IRAK1: variants seen among roughly 807,000 people sequenced by gnomAD.
The protein encoded by IRAK1 is interleukin 1 receptor associated kinase 1, also known as interleukin-1 receptor-associated kinase 1.
Under a neutral mutation model 49.8 loss-of-function variants are expected in IRAK1, and 9 were observed. That is an observed-to-expected ratio of 0.18 (90% CI 0.11 to 0.32). The LOEUF (loss-of-function observed/expected upper bound fraction) is 0.32, where lower values mean the gene tolerates loss of function less well. Ranked by LOEUF, IRAK1 falls within the 10% of genes least tolerant of loss-of-function variation. IRAK1 has a pLI of 1.00. For missense variants in IRAK1, 418 were observed against 600.5 expected (o/e 0.70, Z 3.18); for synonymous variants, 282 against 270.8 (o/e 1.04, Z -0.41).
Position 154,016,487 on chromosome X carries a change from T to C in IRAK1, c.1186A>G (p.Ile396Val). The C allele has an allele frequency of 1.2e-5, 15 of 1,211,929 alleles. No homozygotes were observed. Among genetic ancestry groups the C allele is most frequent in the Non-Finnish European group, 1.7e-5 (15 of 895,291 alleles). ...GTLAYLPEEYIKTGRLAVDTD... is the reference protein window; with the variant it reads ...GTLAYLPEEYVKTGRLAVDTD... ...TCCACAGCCAGCCTTCCCGTCTTGA[T>C]GTACTCCTCGGGCAGGTAGGCCAGG... Residue 396 changes from isoleucine to valine, a missense_variant, in exon 9 of 14, where the codon ATC (isoleucine) becomes GTC (valine). By Grantham distance (29) the Ile-to-Val change is conservative. Around this residue, in one of 3 missense-constraint regions of IRAK1, gnomAD observed 377 missense variants for 499.5 expected, o/e 0.75. Coordinates refer to ENST00000369980, the MANE Select transcript of IRAK1 (RefSeq NM_001569.4).
At chrX:154,014,369 GATAAAA>G (rs2148639372) in intron 10 of IRAK1, 91 bp from the exon 11 acceptor site, 7 of 350,839 alleles carry the variant, frequency 2.0e-5, no homozygotes, top group Admixed American at 9.3e-5. Context: ...TATGGGTTTT[GATAAAA>G]AAAAAAAAAA....
Position 154,016,497 on chromosome X carries a change from G to A in IRAK1, c.1176C>T (p.Pro392=), listed in dbSNP as rs1341800653. ...GCCTTCCCGTCTTGATGTACTCCTC[G>A]GGCAGGTAGGCCAGGGTGCCCCGCA... ...QTVRGTLAYL[P]EEYIKTGRLA... is the part of the protein sequence containing the mutation. Residue 392 remains proline (P), a synonymous_variant, in exon 9 of 14, where the codon CCC becomes CCT. Transcript: ENST00000369980. 1.3e-5 allele frequency: 16 copies of A among 1,210,779 alleles called. No homozygotes were observed. Among genetic ancestry groups the A allele is most frequent in the South Asian group, 1.8e-5 (1 of 56,954 alleles).
rs1445155829 is a variant in IRAK1, at chrX:154,019,819, C to G, written c.-7G>C. The stretch of plus-strand genomic sequence containing the variant: ...GGCCCGGCCCCCCGGCCATGGCTGC[C>G]GCCGCCGGGCCGGGACCTGCCGGGG... On this transcript the variant is annotated 5_prime_UTR_variant, in exon 1 of 14. Coordinates refer to ENST00000369980, the MANE Select transcript of IRAK1 (RefSeq NM_001569.4). 4 of 853,590 alleles carry G rather than the reference C, an allele frequency of 4.7e-6. No homozygotes were observed. Among genetic ancestry groups the G allele is most frequent in the Admixed American group, 1.4e-4 (2 of 14,444 alleles). 70.3% of individuals were successfully genotyped at this position (853,590 alleles called of 1,213,427 possible).
rs201911518 is a variant in IRAK1, at chrX:154,019,272, T to G, written c.361A>C (p.Ile121Leu). Residue 121 changes from isoleucine to leucine, a missense_variant, in exon 3 of 14, where the codon ATC becomes CTC. This residue lies in a region of IRAK1 where 377 missense variants were observed against 499.5 expected (regional missense o/e 0.75). Transcript: ENST00000369980. ...GCCTCGGCCTCGGCGGGTGCAGGGA[T>G]GCTGCTGGGCCTCGGGGCAGTGGTG... ...PGTTAPRPSS[I>L]PAPAEAEAWS... 4.1e-3 allele frequency: 4,904 copies of G among 1,194,548 alleles called. 13 individuals carry two copies. The highest frequency in any genetic ancestry group is 5.0e-3 in the Non-Finnish European group (4,432 of 886,987).
At chrX:154,016,920 C>T (rs372567970) in intron 8 of IRAK1, 29 bp downstream of exon 8, 20 of 1,077,895 alleles carry the variant, frequency 1.9e-5, no homozygotes, top group Non-Finnish European at 2.5e-5. Flanking sequence ...CAGGCCCTGC[C>T]CCGGCAGTTC....
At position 154,011,254 on chromosome X, in the gene IRAK1, G is replaced by T; in HGVS notation, c.*605C>A. The T allele has an allele frequency of 3.8e-6, 1 of 261,744 alleles. No individual in the cohort carries two copies. The highest frequency in any genetic ancestry group is 7.2e-6 in the Non-Finnish European group (1 of 138,271). The allele number at this position is 261,744 out of a possible 1,213,427, so 21.6% of individuals were successfully genotyped here. A position where few individuals can be genotyped will look rare whatever the true frequency, so the allele number is the denominator to read the frequency against. On this transcript the variant is annotated 3_prime_UTR_variant, in exon 14 of 14. Transcript: ENST00000369980. ...CGTGCGCTACCACGCCAGGCTAATA[G>T]TTTAAAAAATTTTTTGGCAGAGACA...
In IRAK1 at chrX:154,011,375, C is replaced by T. The variant is rs2065696760; in HGVS notation, c.*484G>A. 3 of 249,005 alleles carry T rather than the reference C, an allele frequency of 1.2e-5. No individual in the cohort carries two copies. The South Asian group carries it at 1.3e-4, about 10-fold the overall frequency. 20.5% of individuals were successfully genotyped at this position (249,005 alleles called of 1,213,427 possible). ...AAAGTGCTGGGATTACAGGCGTGAG[C>T]CACCGCACCCGGCCACACTTTTCCA... On this transcript the variant is annotated 3_prime_UTR_variant, in exon 14 of 14. Coordinates refer to ENST00000369980, the MANE Select transcript of IRAK1 (RefSeq NM_001569.4).
chrX:154,019,184 C>A lies in IRAK1; in HGVS notation c.436+13G>T. 8.3e-7 allele frequency: 1 copy of A among 1,211,226 alleles called. No homozygotes were observed. The highest frequency in any genetic ancestry group is 1.1e-6 in the Non-Finnish European group (1 of 895,187). ...CTTTGGGTCCACCGAGCCTAACAACCGGGCCCTCTTACCTGGGGAGAGGAA... is the reference window on the plus strand; with the variant it reads ...CTTTGGGTCCACCGAGCCTAACAACAGGGCCCTCTTACCTGGGGAGAGGAA... On this transcript the variant is annotated intron_variant, in intron 3 of 13. Coordinates refer to ENST00000369980, the MANE Select transcript of IRAK1 (RefSeq NM_001569.4).
intron 11 of IRAK1, 77 bp from the exon 12 acceptor site, chrX:154,013,510 G>T (rs1185309260): frequency 8.0e-6 from 8 of 998,811 alleles, no homozygotes; most frequent in Non-Finnish European, 9.4e-6. Flanking sequence ...CCACAGGGCT[G>T]CTCCAGGCCG....
chrX:154,011,708 C>T lies in IRAK1; in HGVS notation c.*151G>A. The T allele has an allele frequency of 1.8e-6, 1 of 571,311 alleles. No individual in the cohort carries two copies. The highest frequency in any genetic ancestry group is 3.1e-6 in the Non-Finnish European group (1 of 323,699). 47.1% of individuals were successfully genotyped at this position (571,311 alleles called of 1,213,427 possible). A position where few individuals can be genotyped will look rare whatever the true frequency, so the allele number is the denominator to read the frequency against. On this transcript the variant is annotated 3_prime_UTR_variant, in exon 14 of 14. Transcript: ENST00000369980. The stretch of plus-strand genomic sequence containing the variant: ...CTCTGCCTGCCTATGCCCACAGAGC[C>T]TAGAACAGCAGGGCCACCTCCTTCT...
chrX:154,017,610 A>G (rs1229664070), intron 7 of IRAK1, among the ~76,000 whole-genome samples: 3 of 110,617 alleles, frequency 2.7e-5, no homozygotes, highest in Non-Finnish European at 3.8e-5. Context: ...AGCCTGGCCA[A>G]TGTGGCAAAA....
intron 9 of IRAK1, 35 bp downstream of exon 9, chrX:154,016,399 TCTC>T (rs1435966543): frequency 1.7e-6 from 2 of 1,161,611 alleles, no homozygotes; most frequent in Non-Finnish European, 2.3e-6. Context: ...GCCTGTGGCT[TCTC>T]CTCCTCTGAG....
At chrX:154,014,465 C>T (rs1472034164) in intron 10 of IRAK1, 187 bp from the exon 11 acceptor site, 1 of 453,354 alleles carries the variant, frequency 2.2e-6, no homozygotes, top group Non-Finnish European at 3.8e-6. Flanking sequence ...CCTCAGCCTC[C>T]CAAAGTGCTG....
At chrX:154,014,323 T>C in intron 10 of IRAK1, 45 bp from the exon 11 acceptor site, 11 of 1,146,852 alleles carry the variant, frequency 9.6e-6, no homozygotes, top group Non-Finnish European at 1.3e-5. Context: ...TGGCCACACC[T>C]GCAGCTGCAG....
chrX:154,011,443 T>C lies in IRAK1; in HGVS notation c.*416A>G, dbSNP rs1156379169. 3.1e-5 allele frequency: 8 copies of C among 261,147 alleles called. No homozygotes were observed. The highest frequency in any genetic ancestry group is 5.7e-5 in the Non-Finnish European group (8 of 140,678). 21.5% of individuals were successfully genotyped at this position (261,147 alleles called of 1,213,427 possible). ...AGGGCCCTAGGCCTCGTCGGCCCCA[T>C]TGTGCAGGGTGGCCACTGTCCAAAG... On this transcript the variant is annotated 3_prime_UTR_variant, in exon 14 of 14. Transcript: ENST00000369980.
rs142329086 is a variant in IRAK1 at position 154,017,983 on chromosome X, C to T, written c.909+23G>A. The T allele has an allele frequency of 2.8e-3, 3,078 of 1,096,198 alleles. 9 individuals are homozygous for T. The highest frequency in any genetic ancestry group is 3.4e-3 in the Non-Finnish European group (2,720 of 792,142). 90.3% of individuals were successfully genotyped at this position (1,096,198 alleles called of 1,213,427 possible). ...CAGGAGTGCTTTGGGTCCTGGGAAGCGTGCCGGGCCAGGTGAGCCTACCTG... is the reference window on the plus strand; with the variant it reads ...CAGGAGTGCTTTGGGTCCTGGGAAGTGTGCCGGGCCAGGTGAGCCTACCTG... On this transcript the variant is annotated intron_variant, in intron 7 of 13. Transcript: ENST00000369980.
chrX:154,016,813 T>C, intron 8 of IRAK1, 136 bp downstream of exon 8: 1 of 619,189 alleles, frequency 1.6e-6, no homozygotes, highest in Non-Finnish European at 2.6e-6. Flanking sequence ...GTAGGGCCCA[T>C]CCTTGGCCCG....
rs781865636 is a variant in IRAK1 at position 154,014,240 on chromosome X, C to T, written c.1341G>A (p.Val447=). 9.9e-6 allele frequency: 12 copies of T among 1,208,419 alleles called. No individual in the cohort carries two copies. The South Asian group carries it at 1.9e-4, about 20-fold the overall frequency. Reference sequence around the variant, plus strand: ...GTGTGCTCTGGGTGCTTCTCAAAGCCACTCCAGCCTCCTCAGCCTCCTCTT... The same window carrying T: ...GTGTGCTCTGGGTGCTTCTCAAAGCTACTCCAGCCTCCTCAGCCTCCTCTT... ...LVEEEAEEAG[V]ALRSTQSTLQ... is the part of the protein sequence containing the mutation. Residue 447 remains valine (V), a synonymous_variant, in exon 11 of 14, where the codon GTG becomes GTA. Transcript: ENST00000369980.
Position 154,019,678 on chromosome X carries a change from G to T in IRAK1, c.135C>A (p.Phe45Leu). 1 of 978,455 alleles carries T rather than the reference G, an allele frequency of 1.0e-6. No homozygotes were observed. The highest frequency in any genetic ancestry group is 4.1e-5 in the East Asian group (1 of 24,254). 80.6% of individuals were successfully genotyped at this position (978,455 alleles called of 1,213,427 possible). Residue 45 changes from phenylalanine to leucine, a missense_variant and splice_region_variant, in exon 1 of 14, where the codon TTC becomes TTA. Transcript: ENST00000369980. Reference protein sequence around the residue: ...DALEPADWCQFAALIVRDQTE... With the variant: ...DALEPADWCQLAALIVRDQTE... ...CCCCGGCAGCCCGCCGCCACCCACC[G>T]AACTGGCACCAGTCGGCGGGCTCCA...
Sources: allele counts gnomAD v4.1 joint callset (sites outside exome capture counted in the v4.1 genomes callset), GRCh38; gene constraint gnomAD v4.1.1; regional missense constraint gnomAD v4.1.1; transcripts MANE v1.5; gene names NCBI Gene and HGNC (gene_info 2026-07-23, HGNC 2026-07-21).